The following ATE1 variants were observed in gnomAD, a reference collection of about 807,000 sequenced individuals.
ATE1 encodes the protein arginyltransferase 1.
ATE1 carries 36 observed loss-of-function variants against 70.5 expected under a neutral mutation model. The observed-to-expected ratio is 0.51, with a 90% CI of 0.39 to 0.67. The LOEUF (loss-of-function observed/expected upper bound fraction) is 0.67. ATE1 is among the 30% of genes least tolerant of loss of function. The pLI is 0.00. For synonymous variants in ATE1, 232 were observed against 219.3 expected (o/e 1.06, Z -0.51); for missense variants, 593 against 629.5 (o/e 0.94, Z 0.62).
chr10:121,924,162 T>C, intron 2 of ATE1, 104 bp downstream of exon 2: 2 of 1,048,414 alleles, frequency 1.9e-6, no homozygotes, highest in Non-Finnish European at 2.9e-6. Flanking sequence ...ATAATAAAAA[T>C]TTTTCTTAAA....
At chr10:121,903,985 CTT>C (rs55931393) in intron 5 of ATE1, among the ~76,000 whole-genome samples, 7 of 145,170 alleles carry the variant, frequency 4.8e-5, no homozygotes, top group African/African-American at 1.3e-4. Context: ...TCCAAATTTT[CTT>C]TTTTTTTTTT....
rs1210873905 is a variant in ATE1, at chr10:121,749,989, CACTT to C, written c.1379-6135_1379-6132del. ...GCTTAATGTTCTGTGGTCTTACACT[CACTT>C]AGTTACGTTCCTAAGAAAGGCAGAT... is the stretch of plus-strand genomic sequence containing the variant. On this transcript the variant is annotated intron_variant, in intron 11 of 11. Transcript: ENST00000224652. Among the ~76,000 whole-genome samples, 5 of 152,296 alleles carry C rather than the reference CACTT, an allele frequency of 3.3e-5. No individual in the cohort carries two copies. In the East Asian group the frequency reaches 9.6e-4, roughly 29 times the overall value.
At position 121,740,779 on chromosome 10, in the gene ATE1, C is replaced by T. The variant is rs1944125355; in HGVS notation, c.*2901G>A. On this transcript the variant is annotated 3_prime_UTR_variant, in exon 12 of 12. Transcript: ENST00000224652. ...GATTCTGACACGTTAAGAAACTACA[C>T]ACAACAAATATTTGCAAAATGAATG... The T allele has an allele frequency of 6.6e-6, 1 of 152,096 alleles. No individual in the cohort carries two copies. Among genetic ancestry groups the T allele is most frequent in the Admixed American group, 6.6e-5 (1 of 15,264 alleles). The allele number at this position is 152,096 out of a possible 1,614,324, so 9.4% of individuals were successfully genotyped here.
intron 10 of ATE1, among the ~76,000 whole-genome samples, chr10:121,799,079 G>T (rs563155828): frequency 8.6e-5 from 13 of 151,862 alleles, no homozygotes; most frequent in Non-Finnish European, 1.8e-4. Context: ...AATAACTTCC[G>T]AAAACCTTAA....
intron 10 of ATE1, among the ~76,000 whole-genome samples, chr10:121,806,039 A>G (rs1439384738): frequency 1.3e-5 from 2 of 152,228 alleles, no homozygotes; most frequent in African/African-American, 4.8e-5. Flanking sequence ...CGCAAAAGTG[A>G]GTAAACTTAA....
chr10:121,846,699 C>CTTAA (rs1948835904), intron 8 of ATE1: 2 of 116,348 alleles, frequency 1.7e-5, no homozygotes, highest in Non-Finnish European at 3.3e-5. Context: ...GACTAGCCTG[C>CTTAA]CTAAATAAAT....
intron 7 of ATE1, among the ~76,000 whole-genome samples, chr10:121,886,497 C>T (rs1012384752): frequency 1.3e-5 from 2 of 152,160 alleles, no homozygotes; most frequent in Admixed American, 1.3e-4. Context: ...GTGGAACAGA[C>T]TCCTGTCCAG....
intron 11 of ATE1, among the ~76,000 whole-genome samples, chr10:121,759,586 T>G (rs1360493036): frequency 6.6e-6 from 1 of 152,000 alleles, no homozygotes; most frequent in African/African-American, 2.4e-5. Context: ...TAGCCAGGTG[T>G]GGTGGCGGGC....
At chr10:121,755,625 G>A (rs1944768417) in intron 11 of ATE1, among the ~76,000 whole-genome samples, 1 of 152,180 alleles carries the variant, frequency 6.6e-6, no homozygotes, top group Non-Finnish European at 1.5e-5. Context: ...CATGTGGCTG[G>A]GGAAGTCTCA....
rs1300143348 is a variant in ATE1, at chr10:121,791,079, TGTGTGTGTG to T, written c.1258-799_1258-791del. On this transcript the variant is annotated intron_variant, in intron 10 of 11. Transcript: ENST00000224652. ...ACGTGTGTGTGTGTGTGTGTGTGTG[TGTGTGTGTG>T]TATATATATTTTTTTTTTTTTTTGA... is the stretch of plus-strand genomic sequence containing the variant. Among the ~76,000 whole-genome samples, 309 of 56,138 alleles carry T rather than the reference TGTGTGTGTG, an allele frequency of 5.5e-3. 4 individuals carry two copies. Among genetic ancestry groups the T allele is most frequent in the African/African-American group, 0.014 (262 of 19,282 alleles). The allele number at this position is 56,138 out of a possible 152,430, so 36.8% of individuals were successfully genotyped here.
rs1468453796 is a variant in ATE1, at chr10:121,740,940, A to T, written c.*2740T>A. On this transcript the variant is annotated 3_prime_UTR_variant, in exon 12 of 12. Transcript: ENST00000224652. ...AAGTGCTCAGATTACATTTAAAAAAATAACAAAAATCTCTTAGAATGGAAA... is the reference window on the plus strand; with the variant it reads ...AAGTGCTCAGATTACATTTAAAAAATTAACAAAAATCTCTTAGAATGGAAA... The T allele has an allele frequency of 6.6e-6, 1 of 152,252 alleles. No individual in the cohort carries two copies. The highest frequency in any genetic ancestry group is 1.5e-5 in the Non-Finnish European group (1 of 68,050). The allele number at this position is 152,252 out of a possible 1,614,324, so 9.4% of individuals were successfully genotyped here. A position where few individuals can be genotyped will look rare whatever the true frequency, so the allele number is the denominator to read the frequency against.
intron 7 of ATE1, among the ~76,000 whole-genome samples, chr10:121,882,328 C>G (rs965998042): frequency 6.6e-6 from 1 of 152,120 alleles, no homozygotes; most frequent in East Asian, 1.9e-4. Flanking sequence ...TGTGCAAATG[C>G]TGACTGGGTA....
Position 121,791,077 on chromosome 10 carries a change from TG to T in ATE1, c.1258-789del, listed in dbSNP as rs1564840930. ...ATACGTGTGTGTGTGTGTGTGTGTG[TG>T]TGTGTGTGTGTATATATATTTTTTT... is the stretch of plus-strand genomic sequence containing the variant. On this transcript the variant is annotated intron_variant, in intron 10 of 11. Coordinates refer to ENST00000224652, the MANE Select transcript of ATE1 (RefSeq NM_001001976.3). Among the ~76,000 whole-genome samples, 311 of 56,334 alleles carry T rather than the reference TG, an allele frequency of 5.5e-3. 5 individuals carry two copies. The highest frequency in any genetic ancestry group is 0.014 in the African/African-American group (264 of 19,220). 37.0% of individuals were successfully genotyped at this position (56,334 alleles called of 152,430 possible).
chr10:121,856,359 G>C (rs1447212922), intron 8 of ATE1, among the ~76,000 whole-genome samples: 1 of 151,518 alleles, frequency 6.6e-6, no homozygotes, highest in Non-Finnish European at 1.5e-5. Flanking sequence ...AAGAAATCCC[G>C]TCTCTACTAA....
chr10:121,790,072 C>A, intron 11 of ATE1, 97 bp downstream of exon 11: 1 of 1,524,768 alleles, frequency 6.6e-7, no homozygotes, highest in Non-Finnish European at 8.9e-7. Flanking sequence ...CTATAATATA[C>A]AAAGCTACCT....
intron 8 of ATE1, among the ~76,000 whole-genome samples, chr10:121,849,175 C>T (rs1156429753): frequency 6.7e-6 from 1 of 150,192 alleles, no homozygotes; most frequent in African/African-American, 2.5e-5. Context: ...CACCCCATTG[C>T]ACTCCAGCCT....
At chr10:121,783,165 C>T (rs941572959) in intron 11 of ATE1, among the ~76,000 whole-genome samples, 2 of 140,436 alleles carry the variant, frequency 1.4e-5, no homozygotes, top group African/African-American at 5.3e-5. Context: ...TAGTTACATG[C>T]TTTCTTGAAA....
intron 8 of ATE1, among the ~76,000 whole-genome samples, chr10:121,843,475 C>T (rs1292653946): frequency 6.6e-6 from 1 of 152,098 alleles, no homozygotes; most frequent in African/African-American, 2.4e-5. Flanking sequence ...CTCAGACTAG[C>T]GAACCCAATA....
intron 11 of ATE1, among the ~76,000 whole-genome samples, chr10:121,757,219 C>T (rs544551162): frequency 6.6e-5 from 10 of 152,322 alleles, no homozygotes; most frequent in East Asian, 5.8e-4. Context: ...CAGTTCCCAA[C>T]GAGTTCCTCA....
Sources: gnomAD v4.1 joint callset for allele counts (sites outside exome capture counted in the v4.1 genomes callset) on GRCh38, gnomAD v4.1.1 for gene constraint, MANE v1.5 for transcripts, NCBI Gene and HGNC (gene_info 2026-07-23, HGNC 2026-07-21) for gene names.